The following DKK3 variants were observed in gnomAD, a reference collection of about 807,000 sequenced individuals.
DKK3 encodes dickkopf Wnt signaling pathway inhibitor 3.
A neutral mutation model predicts 33.2 loss-of-function variants in DKK3; 22 were observed. The ratio of observed to expected loss-of-function variants is 0.66; its 90% confidence interval spans 0.47 to 0.95. The LOEUF (loss-of-function observed/expected upper bound fraction) is 0.95, where lower values mean the gene tolerates loss of function less well. DKK3 is among the 40% of genes least tolerant of loss of function. The pLI is 0.00. For missense variants in DKK3, 398 were observed against 458.4 expected (o/e 0.87, Z 1.20); for synonymous variants, 194 against 188.8 (o/e 1.03, Z -0.23).
chr11:11,997,626 C>T (rs1487057719), intron 3 of DKK3, among the ~76,000 whole-genome samples: 4 of 152,160 alleles, frequency 2.6e-5, no homozygotes, highest in African/African-American at 7.2e-5. Context: ...ACTCCACAGC[C>T]AGTGCCCTTT....
At chr11:11,997,140 G>C (rs142340196) in intron 3 of DKK3, among the ~76,000 whole-genome samples, 1 of 152,346 alleles carries the variant, frequency 6.6e-6, no homozygotes, top group African/African-American at 2.4e-5. Flanking sequence ...ATGTATCCTG[G>C]TCCTCCAGCA....
chr11:12,008,972 A>G, upstream of DKK3: 3 of 1,004,890 alleles, frequency 3.0e-6, no homozygotes, highest in Non-Finnish European at 3.6e-6. This position sits in a 1 kb window ranked among gnomAD's most constrained non-coding sequence, Gnocchi z 4.6. Context: ...TTCAAACCCT[A>G]GCCCCTCCTC....
At position 12,008,424 on chromosome 11, in the gene DKK3, C is replaced by A; in HGVS notation, c.159G>T (p.Glu53Asp). ...EEATLNEMFR[E>D]VEELMEDTQH... ...GCGTGTCCTCCATCAGTTCCTCAAC[C>A]TCGCGGAACATCTCATTGAGGGTGG... is the stretch of plus-strand genomic sequence containing the variant. The change falls in exon 1 of 7, where the codon GAG (glutamate) becomes GAT (aspartate). Residue 53 changes from glutamate to aspartate, a missense_variant. Physicochemically the swap from Glu to Asp is conservative, Grantham distance 45 (BLOSUM62 2). Transcript: ENST00000683431. This position sits in a 1 kb window ranked among gnomAD's most constrained non-coding sequence, Gnocchi z 4.6. 1.2e-6 allele frequency: 2 copies of A among 1,611,320 alleles called. No individual in the cohort carries two copies. The highest frequency in any genetic ancestry group is 1.7e-6 in the Non-Finnish European group (2 of 1,179,502).
intron 3 of DKK3, among the ~76,000 whole-genome samples, chr11:11,991,725 C>T (rs1407171401): frequency 4.6e-5 from 7 of 152,148 alleles, no homozygotes; most frequent in Non-Finnish European, 8.8e-5. Context: ...GTGCCATGCT[C>T]GTACAGCCCG....
In DKK3 at chr11:11,968,463, C is replaced by T. The variant is rs1847652446; in HGVS notation, c.460G>A (p.Gly154Arg). The T allele has an allele frequency of 6.2e-7, 1 of 1,613,376 alleles. No homozygotes were observed. The highest frequency in any genetic ancestry group is 1.3e-5 in the African/African-American group (1 of 75,022). Residue 154 changes from glycine to arginine, a missense_variant, in exon 4 of 7, where the codon GGG (glycine) becomes AGG (arginine). By Grantham distance (125) the Gly-to-Arg change is moderately radical. Coordinates refer to ENST00000683431, the MANE Select transcript of DKK3 (RefSeq NM_001018057.2). ...GCAAACTGGCAGTACATGCTGGGCC[C>T]ACAGTCCTCGTCGATGATGCACTCC... is the stretch of plus-strand genomic sequence containing the variant. ...SHECIIDEDC[G>R]PSMYCQFASF...
At chr11:11,996,492 C>T (rs1440579532) in intron 3 of DKK3, among the ~76,000 whole-genome samples, 2 of 152,150 alleles carry the variant, frequency 1.3e-5, no homozygotes, top group Non-Finnish European at 2.9e-5. Context: ...GGCACACATG[C>T]CACATTCTCT....
At chr11:12,006,476 C>T (rs1848538163) in intron 1 of DKK3, among the ~76,000 whole-genome samples, 1 of 152,240 alleles carries the variant, frequency 6.6e-6, no homozygotes, top group Non-Finnish European at 1.5e-5. Context: ...ACTGCCTCTT[C>T]TCCTGCCATG....
At chr11:11,994,169 GC>G (rs1848244274) in intron 3 of DKK3, among the ~76,000 whole-genome samples, 1 of 152,222 alleles carries the variant, frequency 6.6e-6, no homozygotes, top group East Asian at 1.9e-4. Context: ...CCAGTCTCAT[GC>G]CATTCTTTTT....
At chr11:11,966,050 C>T (rs368409827) in intron 5 of DKK3, 85 bp from the exon 6 acceptor site, 1 of 1,432,190 alleles carries the variant, frequency 7.0e-7, no homozygotes. Flanking sequence ...GGAGCATAAC[C>T]TCCCACCTCC....
At chr11:11,978,402 C>G (rs1189330346) in intron 3 of DKK3, among the ~76,000 whole-genome samples, 1 of 148,784 alleles carries the variant, frequency 6.7e-6, no homozygotes, top group East Asian at 2.1e-4. Context: ...CTTCTTCTTC[C>G]TCTTCCTCTT....
chr11:11,989,711 T>C (rs1027686180), intron 3 of DKK3, among the ~76,000 whole-genome samples: 2 of 152,238 alleles, frequency 1.3e-5, no homozygotes, highest in Non-Finnish European at 2.9e-5. Flanking sequence ...GTTAAGATGA[T>C]ATTTTATATT....
At position 11,963,534 on chromosome 11, in the gene DKK3, A is replaced by G. The variant is rs942865117; in HGVS notation, c.*930T>C. The stretch of plus-strand genomic sequence containing the variant: ...GGACAGTGTCAATATCATTGTCTTC[A>G]TTAGAAGGACGGCTGCCCCACACTG... On this transcript the variant is annotated 3_prime_UTR_variant, in exon 7 of 7. Transcript: ENST00000683431. 6.6e-6 allele frequency: 1 copy of G among 152,262 alleles called. No homozygotes were observed. Among genetic ancestry groups the G allele is most frequent in the East Asian group, 1.9e-4 (1 of 5,200 alleles). The allele number at this position is 152,262 out of a possible 1,614,324, so 9.4% of individuals were successfully genotyped here. A position where few individuals can be genotyped will look rare whatever the true frequency, so the allele number is the denominator to read the frequency against.
chr11:11,972,638 T>A (rs1344664884), intron 3 of DKK3, among the ~76,000 whole-genome samples: 1 of 152,170 alleles, frequency 6.6e-6, no homozygotes, highest in Non-Finnish European at 1.5e-5. Flanking sequence ...CTACCCTTAG[T>A]AGAACTGAGT....
intron 3 of DKK3, among the ~76,000 whole-genome samples, chr11:11,975,063 C>T (rs1564910231): frequency 6.6e-6 from 1 of 152,182 alleles, no homozygotes; most frequent in Non-Finnish European, 1.5e-5. Flanking sequence ...AGGAAACAAT[C>T]CTGTTGACAT....
chr11:11,964,771 C>T (rs1180208431), intron 6 of DKK3, 85 bp from the exon 7 acceptor site: 1 of 1,537,816 alleles, frequency 6.5e-7, no homozygotes, highest in Middle Eastern at 2.0e-4. Flanking sequence ...CTGTGGGGCT[C>T]CCAGCCTCAC....
At chr11:12,008,651 C>G (rs376083603), upstream of DKK3, 491 of 1,270,560 alleles carry the variant, frequency 3.9e-4, 7 homozygotes, top group East Asian at 1.0e-2. The surrounding 1 kb of genome is among the most constrained non-coding windows in gnomAD (Gnocchi z 4.6). Flanking sequence ...GGACCACCCC[C>G]CTCGCTGGGC....
At chr11:12,000,951 A>G (rs1287915947) in intron 2 of DKK3, among the ~76,000 whole-genome samples, 1 of 152,216 alleles carries the variant, frequency 6.6e-6, no homozygotes, top group East Asian at 1.9e-4. Flanking sequence ...GAACTTTCAT[A>G]TACTTTAGGT....
chr11:12,004,152 T>C (rs1348974136), intron 1 of DKK3, among the ~76,000 whole-genome samples: 4 of 152,154 alleles, frequency 2.6e-5, no homozygotes, highest in Non-Finnish European at 1.5e-5. Context: ...TAGAGTCAGG[T>C]CCAAAAGTTT....
intron 3 of DKK3, among the ~76,000 whole-genome samples, chr11:11,993,345 T>C (rs1848224809): frequency 1.3e-5 from 2 of 152,056 alleles, no homozygotes; most frequent in Admixed American, 6.6e-5. Context: ...GTATATTTTA[T>C]ATACTTTAAA....
Sources: allele counts gnomAD v4.1 joint callset (sites outside exome capture counted in the v4.1 genomes callset), GRCh38; gene constraint gnomAD v4.1.1; non-coding constraint Gnocchi (gnomAD v3.1); transcripts MANE v1.5; gene names NCBI Gene and HGNC (gene_info 2026-07-23, HGNC 2026-07-21).